The following ZBTB46 variants were observed in gnomAD, a reference collection of about 807,000 sequenced individuals.
ZBTB46 encodes the protein zinc finger and BTB domain containing 46.
A neutral mutation model predicts 44.1 loss-of-function variants in ZBTB46; 8 were observed. The observed-to-expected ratio is 0.18, with a 90% CI of 0.11 to 0.33. ZBTB46 has a LOEUF of 0.33. Ranked by LOEUF, ZBTB46 falls within the 10% of genes least tolerant of loss-of-function variation. ZBTB46 has a pLI of 1.00. For missense variants in ZBTB46, 651 were observed against 847.7 expected, an observed-to-expected ratio of 0.77 and a Z score of 2.88; for synonymous variants, 409 against 382.3, an observed-to-expected ratio of 1.07 and a Z score of -0.81.
chr20:63,793,738 G>T (rs971642949), intron 1 of ZBTB46, among the ~76,000 whole-genome samples: 4 of 151,900 alleles, frequency 2.6e-5, no homozygotes, highest in Non-Finnish European at 5.9e-5. Flanking sequence ...ACCTCACAAC[G>T]GTTCACATCT....
Position 63,790,614 on chromosome 20 carries a change from G to A in ZBTB46, c.144C>T (p.Val48=). 2.5e-6 allele frequency: 4 copies of A among 1,611,806 alleles called. No homozygotes were observed. The highest frequency in any genetic ancestry group is 3.4e-6 in the Non-Finnish European group (4 of 1,180,030). Residue 48 remains valine, a synonymous_variant, in exon 2 of 5, where the codon GTC becomes GTT. Coordinates refer to ENST00000245663, the MANE Select transcript of ZBTB46 (RefSeq NM_001369741.1). ...EGKVFKAHKN[V]LLGSSRYFKT... is the part of the protein sequence containing the mutation. ...TGAAGTAGCGGCTGCTGCCCAGCAGGACGTTCTTGTGCGCCTTGAAGACCT... is the reference window on the plus strand; with the variant it reads ...TGAAGTAGCGGCTGCTGCCCAGCAGAACGTTCTTGTGCGCCTTGAAGACCT...
Position 63,810,789 on chromosome 20 carries a change from C to T in ZBTB46, c.-33-19999G>A, listed in dbSNP as rs183136342. On this transcript the variant is annotated intron_variant, in intron 1 of 4. Transcript: ENST00000245663. Reference sequence around the variant, plus strand: ...TAAAAATAAAACACAAACGCGAGAACGTGCCCACCAGCACAGATGCAGGGT... The same window carrying T: ...TAAAAATAAAACACAAACGCGAGAATGTGCCCACCAGCACAGATGCAGGGT... 1.5e-4 allele frequency among the ~76,000 whole-genome samples: 23 copies of T among 152,272 alleles called. No homozygotes were observed. The East Asian group carries it at 1.7e-3, about 11-fold the overall frequency.
At chr20:63,818,976 C>CA (rs1263677857) in intron 1 of ZBTB46, among the ~76,000 whole-genome samples, 3 of 150,982 alleles carry the variant, frequency 2.0e-5, no homozygotes, top group Admixed American at 6.6e-5. Context: ...AGTTCAAGAC[C>CA]GCCTGACCAA....
Position 63,775,397 on chromosome 20 carries a change from G to A in ZBTB46, c.1222+281C>T, listed in dbSNP as rs1246925796. 8 of 366,086 alleles carry A rather than the reference G, an allele frequency of 2.2e-5. No homozygotes were observed. In the East Asian group the frequency reaches 3.4e-4, roughly 16 times the overall value. 22.7% of individuals were successfully genotyped at this position (366,086 alleles called of 1,614,324 possible). On this transcript the variant is annotated intron_variant, in intron 3 of 4. Transcript: ENST00000245663. ...CCGGACGAGCTCGCATTCAGCCAAC[G>A]ACTCCTGTGAGAAACATTCCAGCAA...
chr20:63,820,351 G>A (rs528813589), intron 1 of ZBTB46, among the ~76,000 whole-genome samples: 5 of 151,556 alleles, frequency 3.3e-5, no homozygotes, highest in South Asian at 2.1e-4. Context: ...CGCCTGCCTC[G>A]GCCTCCCAAA....
intron 1 of ZBTB46, among the ~76,000 whole-genome samples, chr20:63,818,044 G>A (rs998868346): frequency 6.6e-6 from 1 of 152,224 alleles, no homozygotes; most frequent in Non-Finnish European, 1.5e-5. Context: ...CACCTACAGA[G>A]ACTGCACGGC....
rs1354200306 is a variant in ZBTB46 at position 63,790,853 on chromosome 20, G to A, written c.-33-63C>T. ...CAGACAGAGGCCGTGAGAGGACGCC[G>A]GGCGGGGCGCAGGAGGGCCATGGGG... On this transcript the variant is annotated intron_variant, in intron 1 of 4. Coordinates refer to ENST00000245663, the MANE Select transcript of ZBTB46 (RefSeq NM_001369741.1). 42 of 1,452,298 alleles carry A rather than the reference G, an allele frequency of 2.9e-5. No homozygotes were observed. The East Asian group carries it at 3.0e-4, about 10-fold the overall frequency. The allele number at this position is 1,452,298 out of a possible 1,614,324, so 90.0% of individuals were successfully genotyped here. A position where few individuals can be genotyped will look rare whatever the true frequency, so the allele number is the denominator to read the frequency against.
chr20:63,811,143 G>A (rs753570466), intron 1 of ZBTB46, among the ~76,000 whole-genome samples: 6 of 148,684 alleles, frequency 4.0e-5, no homozygotes, highest in African/African-American at 7.5e-5. Flanking sequence ...CCACAGAGGC[G>A]AGTCTGGGTC....
At chr20:63,778,658 C>T (rs542649606) in intron 2 of ZBTB46, among the ~76,000 whole-genome samples, 2 of 152,274 alleles carry the variant, frequency 1.3e-5, no homozygotes, top group East Asian at 1.9e-4. Flanking sequence ...ACATTCGGAC[C>T]GTCGAGCTAC....
Position 63,787,004 on chromosome 20 carries a change from C to G in ZBTB46, c.937+2817G>C, listed in dbSNP as rs191405181. ...TGGCCGTAGCTCAGTGCAGGACGCA[C>G]AGCAACAACAGATGAGAATGAATAA... On this transcript the variant is annotated intron_variant, in intron 2 of 4. Transcript: ENST00000245663. This position sits in a 1 kb window ranked among gnomAD's most constrained non-coding sequence, Gnocchi z 4.6. Among the ~76,000 whole-genome samples, 1 of 152,254 alleles carries G rather than the reference C, an allele frequency of 6.6e-6. No homozygotes were observed. The highest frequency in any genetic ancestry group is 1.9e-4 in the East Asian group (1 of 5,188).
chr20:63,819,048 C>T (rs2092776607), intron 1 of ZBTB46, among the ~76,000 whole-genome samples: 1 of 151,532 alleles, frequency 6.6e-6, no homozygotes, highest in African/African-American at 2.4e-5. Context: ...TGGTGTGCGC[C>T]TGTAATCCCA....
intron 1 of ZBTB46, among the ~76,000 whole-genome samples, chr20:63,813,076 G>GAC (rs11472666): frequency 0.47 from 71,085 of 151,752 alleles, 18,483 homozygotes; most frequent in African/African-American, 0.72. Context: ...CCAGCCTGGT[G>GAC]AGAGTGAGAC....
At chr20:63,765,798 G>A (rs1014729941) in intron 3 of ZBTB46, among the ~76,000 whole-genome samples, 4 of 152,218 alleles carry the variant, frequency 2.6e-5, no homozygotes, top group Non-Finnish European at 4.4e-5. Flanking sequence ...AAGTCATACT[G>A]CTATCTATTC....
chr20:63,804,294 C>A (rs1035520433), intron 1 of ZBTB46, among the ~76,000 whole-genome samples: 7 of 152,166 alleles, frequency 4.6e-5, no homozygotes, highest in African/African-American at 1.7e-4. Context: ...ACAAGGTGCT[C>A]TGGGCACCCA....
In ZBTB46 at chr20:63,803,554, G is replaced by A. The variant is rs1023465063; in HGVS notation, c.-33-12764C>T. The A allele has an allele frequency of 1.7e-5, 17 of 975,674 alleles. No homozygotes were observed. The highest frequency in any genetic ancestry group is 1.3e-4 in the African/African-American group (7 of 53,822). 60.4% of individuals were successfully genotyped at this position (975,674 alleles called of 1,614,324 possible). Reference sequence around the variant, plus strand: ...ATGCAAAGCCATGTCTGCCGGCCCCGGGCTGCCCAGGCCCCGGGCTGCCCA... The same window carrying A: ...ATGCAAAGCCATGTCTGCCGGCCCCAGGCTGCCCAGGCCCCGGGCTGCCCA... On this transcript the variant is annotated intron_variant, in intron 1 of 4. Coordinates refer to ENST00000245663, the MANE Select transcript of ZBTB46 (RefSeq NM_001369741.1). This position sits in a 1 kb window ranked among gnomAD's most constrained non-coding sequence, Gnocchi z 4.0.
chr20:63,829,703 G>C (rs898323692), intron 1 of ZBTB46, among the ~76,000 whole-genome samples: 7 of 152,136 alleles, frequency 4.6e-5, no homozygotes, highest in African/African-American at 1.7e-4. Context: ...AAATACTGTC[G>C]CTTGCTTCAT....
At chr20:63,801,524 C>T (rs896930110) in intron 1 of ZBTB46, among the ~76,000 whole-genome samples, 3 of 152,286 alleles carry the variant, frequency 2.0e-5, no homozygotes, top group South Asian at 2.1e-4. Context: ...TTGCTGGGGT[C>T]CCCTTTCATA....
intron 3 of ZBTB46, among the ~76,000 whole-genome samples, chr20:63,765,943 G>A (rs1343870494): frequency 6.6e-6 from 1 of 152,136 alleles, no homozygotes; most frequent in East Asian, 1.9e-4. Context: ...ATGGTACGGA[G>A]AGAATCTCTA....
rs576566730 is a variant in ZBTB46, at chr20:63,789,747, C to T, written c.937+74G>A. 9 of 1,533,974 alleles carry T rather than the reference C, an allele frequency of 5.9e-6. No homozygotes were observed. The Admixed American group carries it at 1.7e-4, about 29-fold the overall frequency. On this transcript the variant is annotated intron_variant, in intron 2 of 4. Coordinates refer to ENST00000245663, the MANE Select transcript of ZBTB46 (RefSeq NM_001369741.1). ...TGTGAGCCTGGACATGCGTCACTGCCTCCGCACAGCACGCGGCCGTGAGGC... is the reference window on the plus strand; with the variant it reads ...TGTGAGCCTGGACATGCGTCACTGCTTCCGCACAGCACGCGGCCGTGAGGC...
Sources: gnomAD v4.1 joint callset for allele counts (sites outside exome capture counted in the v4.1 genomes callset) on GRCh38, gnomAD v4.1.1 for gene constraint, Gnocchi (gnomAD v3.1) non-coding constraint, MANE v1.5 for transcripts, NCBI Gene and HGNC (gene_info 2026-07-23, HGNC 2026-07-21) for gene names.